The following GPR137C variants were observed in gnomAD, a reference collection of about 807,000 sequenced individuals.
The protein encoded by GPR137C is G protein-coupled receptor 137C, also known as integral membrane protein GPR137C.
GPR137C carries 27 observed loss-of-function variants against 43.4 expected under a neutral mutation model. The observed-to-expected ratio is 0.62, with a 90% CI of 0.46 to 0.86. The LOEUF (loss-of-function observed/expected upper bound fraction) is 0.86, where lower values mean the gene tolerates loss of function less well. Among genes scored for constraint, GPR137C ranks in the 40% least tolerant of loss-of-function variants. The pLI is 0.00. For missense variants in GPR137C, 522 were observed against 534.6 expected, an observed-to-expected ratio of 0.98 and a Z score of 0.23; for synonymous variants, 285 against 226.9, an observed-to-expected ratio of 1.26 and a Z score of -2.30.
At chr14:52,561,163 C>T (rs911135028) in intron 1 of GPR137C, among the ~76,000 whole-genome samples, 4 of 152,158 alleles carry the variant, frequency 2.6e-5, no homozygotes, top group African/African-American at 9.7e-5. Flanking sequence ...CATTGATTAG[C>T]AGGACTAAAA....
At chr14:52,591,064 A>G (rs2038777008) in intron 1 of GPR137C, among the ~76,000 whole-genome samples, 1 of 143,776 alleles carries the variant, frequency 7.0e-6, no homozygotes, top group Non-Finnish European at 1.5e-5. Context: ...TCCCACCTAT[A>G]CATGAGAACA....
chr14:52,574,678 G>A (rs899655797), intron 1 of GPR137C, among the ~76,000 whole-genome samples: 7 of 152,108 alleles, frequency 4.6e-5, no homozygotes, highest in African/African-American at 9.7e-5. Flanking sequence ...AAACTTGCAC[G>A]TTCTGCACGT....
chr14:52,580,345 A>G (rs748075598), intron 1 of GPR137C, among the ~76,000 whole-genome samples: 3 of 151,530 alleles, frequency 2.0e-5, no homozygotes, highest in Non-Finnish European at 2.9e-5. Flanking sequence ...GACTAAGCAG[A>G]GAGAAGAGAC....
intron 3 of GPR137C, among the ~76,000 whole-genome samples, chr14:52,628,468 A>G (rs2039255717): frequency 6.6e-6 from 1 of 152,216 alleles, no homozygotes; most frequent in African/African-American, 2.4e-5. Flanking sequence ...CATGAAAAAA[A>G]TAAGTTGATA....
chr14:52,632,092 A>AT, intron 3 of GPR137C, 68 bp from the exon 4 acceptor site: 1 of 1,027,514 alleles, frequency 9.7e-7, no homozygotes, highest in Non-Finnish European at 1.5e-6. Flanking sequence ...ACCATATTGT[A>AT]TGTACATGAA....
Position 52,632,169 on chromosome 14 carries a change from C to G in GPR137C, c.727C>G (p.Leu243Val), listed in dbSNP as rs1453747126. Reference protein sequence around the residue: ...NVYLESKGMSLCQTVVVGSVV... With the variant: ...NVYLESKGMSVCQTVVVGSVV... ...TTTTTATTTGTTTTAGGGTATGTCT[C>G]TGTGCCAGACTGTCGTCGTGGGCTC... The change falls in exon 4 of 7, where the codon CTG becomes GTG. Residue 243 changes from leucine (L) to valine (V), a missense_variant. This residue lies in a region of GPR137C where 437 missense variants were observed against 425.7 expected (regional missense o/e 1.03). Transcript: ENST00000321662. 5 of 1,603,102 alleles carry G rather than the reference C, an allele frequency of 3.1e-6. No homozygotes were observed. Among genetic ancestry groups the G allele is most frequent in the Admixed American group, 3.4e-5 (2 of 59,436 alleles).
At chr14:52,634,015 T>G in intron 6 of GPR137C, 69 bp downstream of exon 6, 1 of 914,178 alleles carries the variant, frequency 1.1e-6, no homozygotes, top group Non-Finnish European at 1.8e-6. Context: ...ATCTAAGCTT[T>G]AACCAAAATA....
At position 52,600,242 on chromosome 14, in the gene GPR137C, A is replaced by G. The variant is rs867588852; in HGVS notation, c.618A>G (p.Leu206=). 3.7e-6 allele frequency: 6 copies of G among 1,613,636 alleles called. No homozygotes were observed. Among genetic ancestry groups the G allele is most frequent in the Middle Eastern group, 1.7e-4 (1 of 6,056 alleles). ...QLKWTVFVRA[L]INDSLFILCA... ...AGTGGACTGTGTTTGTTCGAGCATTAATTAATGATAGCCTGTTTATTCTTT... is the reference window on the plus strand; with the variant it reads ...AGTGGACTGTGTTTGTTCGAGCATTGATTAATGATAGCCTGTTTATTCTTT... The change falls in exon 3 of 7, where the codon TTA becomes TTG. Residue 206 remains leucine, a synonymous_variant. Coordinates refer to ENST00000321662, the MANE Select transcript of GPR137C (RefSeq NM_001099652.2).
rs1318235627 is a variant in GPR137C, at chr14:52,553,179, C to T, written c.32C>T (p.Ala11Val). Reference protein sequence around the residue: MRVSVPGPAAAAAPAAGREPS... With the variant: MRVSVPGPAAVAAPAAGREPS... ...GTGTCCGTGCCGGGTCCGGCGGCCG[C>T]TGCCGCCCCCGCAGCCGGCCGCGAG... The change falls in exon 1 of 7, where the codon GCT becomes GTT. Residue 11 changes from alanine (A) to valine (V), a missense_variant. Physicochemically the swap from Ala to Val is moderately conservative, Grantham distance 64 (BLOSUM62 0). Transcript: ENST00000321662. 1.7e-6 allele frequency: 2 copies of T among 1,191,120 alleles called. No homozygotes were observed. The highest frequency in any genetic ancestry group is 1.0e-6 in the Non-Finnish European group (1 of 963,648). The allele number at this position is 1,191,120 out of a possible 1,614,324, so 73.8% of individuals were successfully genotyped here. A position where few individuals can be genotyped will look rare whatever the true frequency, so the allele number is the denominator to read the frequency against.
intron 3 of GPR137C, among the ~76,000 whole-genome samples, chr14:52,620,151 A>G (rs956518905): frequency 5.3e-5 from 8 of 152,136 alleles, no homozygotes; most frequent in Non-Finnish European, 1.0e-4. Flanking sequence ...GGGGCAGCCA[A>G]AACTGGAAGA....
chr14:52,569,827 T>G (rs2038436604), intron 1 of GPR137C, among the ~76,000 whole-genome samples: 1 of 152,020 alleles, frequency 6.6e-6, no homozygotes, highest in African/African-American at 2.4e-5. Context: ...TTGGTGTGCC[T>G]GAAAGTGAAG....
intron 1 of GPR137C, among the ~76,000 whole-genome samples, chr14:52,589,909 A>G (rs983968883): frequency 2.6e-5 from 4 of 152,224 alleles, no homozygotes; most frequent in Admixed American, 2.6e-4. Flanking sequence ...AATTATGTAC[A>G]GTATATAACA....
chr14:52,634,852 A>G (rs1371728330), intron 6 of GPR137C, 86 bp from the exon 7 acceptor site: 1 of 1,167,824 alleles, frequency 8.6e-7, no homozygotes, highest in Non-Finnish European at 1.2e-6. Context: ...TTATTACAAA[A>G]TTCATTGAAA....
chr14:52,595,323 T>A (rs2038839800), intron 1 of GPR137C, among the ~76,000 whole-genome samples: 1 of 152,182 alleles, frequency 6.6e-6, no homozygotes, highest in Admixed American at 6.5e-5. Context: ...GAGGAGTATC[T>A]TTGTGGTGTT....
intron 3 of GPR137C, among the ~76,000 whole-genome samples, chr14:52,616,387 G>A (rs1330000757): frequency 6.6e-6 from 1 of 152,140 alleles, no homozygotes; most frequent in Non-Finnish European, 1.5e-5. Flanking sequence ...TCTGCCTCCT[G>A]GGTTCAAGGG....
chr14:52,578,968 ACT>A (rs1175977841), intron 1 of GPR137C, among the ~76,000 whole-genome samples: 1 of 151,442 alleles, frequency 6.6e-6, no homozygotes, highest in Non-Finnish European at 1.5e-5. Flanking sequence ...AAGAATGGAA[ACT>A]CTGAGCTTAT....
At chr14:52,613,518 A>G (rs2139554927) in intron 3 of GPR137C, 1 of 154,878 alleles carries the variant, frequency 6.5e-6, no homozygotes, top group South Asian at 1.9e-4. Context: ...ACCCTTCCCA[A>G]CCTCTGGTAA....
At chr14:52,612,287 A>G (rs2039046641) in intron 3 of GPR137C, 1 of 911,410 alleles carries the variant, frequency 1.1e-6, no homozygotes, top group Non-Finnish European at 1.3e-6. Flanking sequence ...TTCCCCTTAT[A>G]CTAGTAAAGG....
intron 1 of GPR137C, among the ~76,000 whole-genome samples, chr14:52,565,085 G>C (rs56053536): frequency 0.046 from 6,975 of 152,246 alleles, 377 homozygotes; most frequent in East Asian, 0.16. Context: ...CATTAATTCA[G>C]TTCCAGCTAT....
Sources: gnomAD v4.1 joint callset for allele counts (sites outside exome capture counted in the v4.1 genomes callset) on GRCh38, gnomAD v4.1.1 for gene constraint, gnomAD v4.1.1 regional missense constraint, MANE v1.5 for transcripts, NCBI Gene and HGNC (gene_info 2026-07-23, HGNC 2026-07-21) for gene names.